Variants in MAP6 observed in about 807,000 individuals in gnomAD.
MAP6 encodes the protein microtubule-associated protein 6.
A neutral mutation model predicts 42.4 loss-of-function variants in MAP6; 26 were observed. The observed-to-expected ratio is 0.61, with a 90% CI of 0.45 to 0.85. The LOEUF is 0.85. Ranked by LOEUF, MAP6 falls within the 40% of genes least tolerant of loss-of-function variation. MAP6 has a pLI of 0.00. For synonymous variants in MAP6, 418 were observed against 443.8 expected, an observed-to-expected ratio of 0.94 and a Z score of 0.73; for missense variants, 966 against 1,099.0, an observed-to-expected ratio of 0.88 and a Z score of 1.71.
intron 1 of MAP6, among the ~76,000 whole-genome samples, chr11:75,609,343 A>G (rs1190841860): frequency 6.6e-6 from 1 of 152,140 alleles, no homozygotes; most frequent in Non-Finnish European, 1.5e-5. Context: ...AAAAAGCTGC[A>G]CTGTGGGAAA....
At chr11:75,606,925 A>C (rs940848882) in intron 2 of MAP6, among the ~76,000 whole-genome samples, 1 of 152,100 alleles carries the variant, frequency 6.6e-6, no homozygotes, top group African/African-American at 2.4e-5. Context: ...ATCTATCTCT[A>C]GATTTAGTTT....
At chr11:75,642,827 C>A (rs1165493726) in intron 1 of MAP6, 3 of 459,938 alleles carry the variant, frequency 6.5e-6, no homozygotes, top group Non-Finnish European at 1.3e-5. Context: ...CAGACCTAGG[C>A]ATGGATTCTA....
At chr11:75,638,168 C>T (rs968989457) in intron 1 of MAP6, among the ~76,000 whole-genome samples, 9 of 150,870 alleles carry the variant, frequency 6.0e-5, no homozygotes, top group African/African-American at 2.0e-4. Context: ...GCTCTCCTCA[C>T]AGGCCCCTCA....
At chr11:75,588,391 T>A (rs1335986930) in intron 3 of MAP6, among the ~76,000 whole-genome samples, 1 of 152,060 alleles carries the variant, frequency 6.6e-6, no homozygotes. Flanking sequence ...CAGGAATCAG[T>A]CATTCAATGT....
At position 75,587,320 on chromosome 11, in the gene MAP6, T is replaced by C; in HGVS notation, c.2181A>G (p.Gln727=). The stretch of plus-strand genomic sequence containing the variant: ...TTGGAGGCTGTAGGACTGTGGGGCC[T>C]TGATCCTTAACTAGTACTGGGAGAA... ...DPILPVLVKD[Q]GPTVLQPPKN... is the part of the protein sequence containing the mutation. The change falls in exon 4 of 4, where the codon CAA becomes CAG. Residue 727 remains glutamine, a synonymous_variant. Coordinates refer to ENST00000304771, the MANE Select transcript of MAP6 (RefSeq NM_033063.2). 1.2e-6 allele frequency: 2 copies of C among 1,614,180 alleles called. No individual in the cohort carries two copies. The highest frequency in any genetic ancestry group is 1.7e-6 in the Non-Finnish European group (2 of 1,180,026).
intron 3 of MAP6, among the ~76,000 whole-genome samples, chr11:75,598,055 A>G (rs1436578557): frequency 6.6e-6 from 1 of 152,230 alleles, no homozygotes; most frequent in Non-Finnish European, 1.5e-5. Flanking sequence ...GGAATCAGGT[A>G]TCCCTTGCTT....
At chr11:75,611,252 C>T (rs1279002335) in intron 1 of MAP6, among the ~76,000 whole-genome samples, 2 of 152,244 alleles carry the variant, frequency 1.3e-5, no homozygotes, top group African/African-American at 4.8e-5. Context: ...CACATGATGG[C>T]AGAAACTTGG....
At chr11:75,604,608 CACA>C (rs1942724392) in intron 3 of MAP6, 2 of 975,660 alleles carry the variant, frequency 2.0e-6, no homozygotes, top group Non-Finnish European at 1.2e-6. Flanking sequence ...TTTTTTTTTT[CACA>C]ACAACTCCCT....
intron 1 of MAP6, among the ~76,000 whole-genome samples, chr11:75,650,903 C>G (rs1943635512): frequency 6.6e-6 from 1 of 152,154 alleles, no homozygotes; most frequent in African/African-American, 2.4e-5. Flanking sequence ...CTTCAGAACA[C>G]TTCTCCCTTC....
At chr11:75,645,834 A>G (rs1943545290) in intron 1 of MAP6, among the ~76,000 whole-genome samples, 1 of 152,180 alleles carries the variant, frequency 6.6e-6, no homozygotes, top group Non-Finnish European at 1.5e-5. Flanking sequence ...TGAAAGACTG[A>G]GAAAATTTCC....
rs748032017 is a variant in MAP6 at position 75,587,867 on chromosome 11, G to A, written c.1634C>T (p.Pro545Leu). ...VPPKNQSPMV[P>L]AKVKDQGSVV... ...AGAGCCTTGATCCTTAACTTTTGCTGGAACCATAGGACTTTGATTCTTTGG... is the reference window on the plus strand; with the variant it reads ...AGAGCCTTGATCCTTAACTTTTGCTAGAACCATAGGACTTTGATTCTTTGG... Residue 545 changes from proline to leucine, a missense_variant, in exon 4 of 4, where the codon CCA becomes CTA. By Grantham distance (98) the Pro-to-Leu change is moderately conservative. Transcript: ENST00000304771. 5 of 1,614,122 alleles carry A rather than the reference G, an allele frequency of 3.1e-6. 1 individual carries two copies. The South Asian group carries it at 5.5e-5, about 18-fold the overall frequency.
intron 3 of MAP6, among the ~76,000 whole-genome samples, chr11:75,597,669 G>A (rs1942605317): frequency 6.6e-6 from 1 of 152,182 alleles, no homozygotes; most frequent in African/African-American, 2.4e-5. Flanking sequence ...ATCGGATCTT[G>A]AGCAATTAAT....
chr11:75,622,788 T>C (rs1407831843), intron 1 of MAP6, among the ~76,000 whole-genome samples: 5 of 152,218 alleles, frequency 3.3e-5, no homozygotes, highest in Non-Finnish European at 5.9e-5. Flanking sequence ...GACATATAGA[T>C]CTATGAACGG....
At chr11:75,641,975 A>G (rs1943477935) in intron 1 of MAP6, among the ~76,000 whole-genome samples, 1 of 152,258 alleles carries the variant, frequency 6.6e-6, no homozygotes, top group Non-Finnish European at 1.5e-5. Flanking sequence ...CTGGAATTTT[A>G]TGAGCCAGTT....
At chr11:75,660,615 G>T (rs1202521451) in intron 1 of MAP6, among the ~76,000 whole-genome samples, 1 of 152,126 alleles carries the variant, frequency 6.6e-6, no homozygotes, top group Non-Finnish European at 1.5e-5. Context: ...CATGGTTAAG[G>T]CTTTGTCATT....
intron 1 of MAP6, among the ~76,000 whole-genome samples, chr11:75,665,179 C>T (rs1943926841): frequency 6.6e-6 from 1 of 152,142 alleles, no homozygotes; most frequent in African/African-American, 2.4e-5. Flanking sequence ...AGCCTTCCCC[C>T]ACCAAATCCA....
At chr11:75,598,782 C>T (rs1942622752) in intron 3 of MAP6, 1 of 152,390 alleles carries the variant, frequency 6.6e-6, no homozygotes, top group Non-Finnish European at 1.5e-5. Context: ...AGATCTGGCC[C>T]TTGCCCTGGG....
At chr11:75,618,375 G>T (rs1943039988) in intron 1 of MAP6, among the ~76,000 whole-genome samples, 1 of 152,164 alleles carries the variant, frequency 6.6e-6, no homozygotes, top group Non-Finnish European at 1.5e-5. Flanking sequence ...GGGAGGCTGA[G>T]GTGGGAGGAT....
intron 3 of MAP6, among the ~76,000 whole-genome samples, chr11:75,597,895 C>G (rs1285669098): frequency 6.6e-6 from 1 of 152,172 alleles, no homozygotes; most frequent in Non-Finnish European, 1.5e-5. Flanking sequence ...GCTCCAGCTG[C>G]CATACTGTTA....
Sources: allele counts gnomAD v4.1 joint callset (sites outside exome capture counted in the v4.1 genomes callset), GRCh38; gene constraint gnomAD v4.1.1; transcripts MANE v1.5; gene names NCBI Gene and HGNC (gene_info 2026-07-23, HGNC 2026-07-21).